MPRIP: variants seen among roughly 807,000 people sequenced by gnomAD.
The protein encoded by MPRIP is myosin phosphatase Rho-interacting protein.
Under a neutral mutation model 234.9 loss-of-function variants are expected in MPRIP, and 59 were observed. That is an observed-to-expected ratio of 0.25 (90% CI 0.20 to 0.31). The LOEUF (loss-of-function observed/expected upper bound fraction) is 0.31, where lower values mean the gene tolerates loss of function less well. Among genes scored for constraint, MPRIP ranks in the 10% least tolerant of loss-of-function variants. The pLI, the probability that MPRIP is intolerant of heterozygous loss-of-function variation, is 1.00. For synonymous variants in MPRIP, 1,144 were observed against 1,263.9 expected (o/e 0.91, Z 2.01); for missense variants, 2,436 against 3,071.0 (o/e 0.79, Z 4.89).
intron 1 of MPRIP, among the ~76,000 whole-genome samples, chr17:17,056,355 A>G (rs2088696439): frequency 6.6e-6 from 1 of 152,206 alleles, no homozygotes; most frequent in Non-Finnish European, 1.5e-5. Flanking sequence ...TCATGTTCCA[A>G]AAATCCTGTG....
intron 3 of MPRIP, among the ~76,000 whole-genome samples, chr17:17,098,639 C>T (rs1034766158): frequency 1.3e-5 from 2 of 152,180 alleles, no homozygotes; most frequent in Non-Finnish European, 2.9e-5. Context: ...CCCCTTTCTC[C>T]CCTCTGCATA....
chr17:17,188,499 G>A lies in MPRIP; in HGVS notation c.*3605G>A, dbSNP rs1379354559. The A allele has an allele frequency of 6.6e-6, 1 of 152,268 alleles. No homozygotes were observed. Among genetic ancestry groups the A allele is most frequent in the Non-Finnish European group, 1.5e-5 (1 of 68,056 alleles). The allele number at this position is 152,268 out of a possible 1,614,324, so 9.4% of individuals were successfully genotyped here. A position where few individuals can be genotyped will look rare whatever the true frequency, so the allele number is the denominator to read the frequency against. On this transcript the variant is annotated 3_prime_UTR_variant, in exon 24 of 24. Transcript: ENST00000651222. Reference sequence around the variant, plus strand: ...GCTCCCATCACCCCTTGACCCTCCAGCTCATGCTGGAGAAGAGGGAATTTT... The same window carrying A: ...GCTCCCATCACCCCTTGACCCTCCAACTCATGCTGGAGAAGAGGGAATTTT...
intron 9 of MPRIP, among the ~76,000 whole-genome samples, chr17:17,144,890 CAG>C (rs766013485): frequency 9.2e-5 from 14 of 152,222 alleles, no homozygotes; most frequent in Admixed American, 1.3e-4. Context: ...AGCAGGCTGT[CAG>C]AGAGGGGGCA....
intron 7 of MPRIP, among the ~76,000 whole-genome samples, chr17:17,140,960 C>G (rs966489385): frequency 4.3e-4 from 66 of 152,290 alleles, no homozygotes; most frequent in African/African-American, 1.6e-3. Context: ...TTCCAGGGCA[C>G]CAAGTAATAA....
chr17:17,166,217 T>A lies in MPRIP; in HGVS notation c.4626T>A (p.Asn1542Lys). Residue 1542 changes from asparagine to lysine, a missense_variant, in exon 16 of 24, where the codon AAT becomes AAA. Around this residue, in one of 4 missense-constraint regions of MPRIP, gnomAD observed 1,998 missense variants for 2,520.3 expected, o/e 0.79. Coordinates refer to ENST00000651222, the MANE Select transcript of MPRIP (RefSeq NM_001364716.4). The surrounding 1 kb of genome is among the most constrained non-coding windows in gnomAD (Gnocchi z 4.4). ...TGGAGACAGGTGGCACCGAGGAGAA[T>A]GGGAAGCCTGCCTCCCTGCAGCAGT... ...AQLETGGTEE[N>K]GKPASLQQCS... is the part of the protein sequence containing the mutation. 7.7e-7 allele frequency: 1 copy of A among 1,303,362 alleles called. No individual in the cohort carries two copies. Among genetic ancestry groups the A allele is most frequent in the Non-Finnish European group, 1.0e-6 (1 of 988,544 alleles). The allele number at this position is 1,303,362 out of a possible 1,614,324, so 80.7% of individuals were successfully genotyped here. A position where few individuals can be genotyped will look rare whatever the true frequency, so the allele number is the denominator to read the frequency against.
chr17:17,173,040 A>G (rs777104766), intron 18 of MPRIP, among the ~76,000 whole-genome samples: 16 of 152,240 alleles, frequency 1.1e-4, no homozygotes, highest in Non-Finnish European at 1.9e-4. Flanking sequence ...CAAGAACGAG[A>G]TGTAACAAAC....
intron 1 of MPRIP, chr17:17,058,067 G>A (rs559739764): frequency 5.2e-5 from 13 of 249,032 alleles, no homozygotes; most frequent in Admixed American, 5.0e-5. Context: ...GGTGGGAGCC[G>A]AGGCCCAGAT....
At chr17:17,102,867 A>G (rs545901696) in intron 3 of MPRIP, among the ~76,000 whole-genome samples, 2 of 152,288 alleles carry the variant, frequency 1.3e-5, no homozygotes, top group African/African-American at 4.8e-5. Flanking sequence ...AGCTCCATGT[A>G]ATTCTTCTTC....
At position 17,159,015 on chromosome 17, in the gene MPRIP, G is replaced by A. The variant is rs768853319; in HGVS notation, c.2400+13G>A. 9 of 1,601,994 alleles carry A rather than the reference G, an allele frequency of 5.6e-6. No homozygotes were observed. The Middle Eastern group carries it at 5.0e-4, about 89-fold the overall frequency. ...GCTCGAGAAGGAGGTAATAGCCTGG[G>A]ACCAGATCCCCACCCTGCTCCCAGC... On this transcript the variant is annotated intron_variant, in intron 14 of 23. Transcript: ENST00000651222.
intron 20 of MPRIP, among the ~76,000 whole-genome samples, chr17:17,175,730 C>T (rs1431430519): frequency 6.6e-6 from 1 of 152,236 alleles, no homozygotes; most frequent in African/African-American, 2.4e-5. Context: ...AGCCATGTGG[C>T]TGCTGCAGCT....
intron 16 of MPRIP, chr17:17,171,459 A>G (rs1418222159): frequency 5.0e-6 from 2 of 399,246 alleles, no homozygotes; most frequent in Non-Finnish European, 8.9e-6. Context: ...CCCAGGAAGA[A>G]ATGGGGCACA....
At chr17:17,094,162 T>A (rs932181921) in intron 3 of MPRIP, among the ~76,000 whole-genome samples, 3 of 152,194 alleles carry the variant, frequency 2.0e-5, no homozygotes, top group African/African-American at 7.2e-5. Context: ...TTTGGTTTAC[T>A]TCACTTGGTG....
chr17:17,047,260 C>T (rs942711214), intron 1 of MPRIP, among the ~76,000 whole-genome samples: 1 of 152,174 alleles, frequency 6.6e-6, no homozygotes, highest in Non-Finnish European at 1.5e-5. Context: ...GCCTGTGAGC[C>T]ATAGTTTGCT....
intron 3 of MPRIP, among the ~76,000 whole-genome samples, chr17:17,122,575 G>A (rs1359566272): frequency 1.3e-5 from 2 of 152,118 alleles, no homozygotes; most frequent in African/African-American, 2.4e-5. Flanking sequence ...GGATGATCTC[G>A]ATCTCCTGAC....
At chr17:17,171,690 T>C in intron 16 of MPRIP, 28 bp from the exon 17 acceptor site, 1 of 1,601,286 alleles carries the variant, frequency 6.2e-7, no homozygotes, top group Non-Finnish European at 8.5e-7. Context: ...AAGAAAGAAG[T>C]CGATGAAGTC....
At chr17:17,083,533 C>CT (rs2089514609) in intron 3 of MPRIP, among the ~76,000 whole-genome samples, 1 of 152,092 alleles carries the variant, frequency 6.6e-6, no homozygotes, top group Admixed American at 6.5e-5. Flanking sequence ...CTGTGAGAGC[C>CT]TAGGAGGAGG....
chr17:17,116,324 G>T (rs985554129), intron 3 of MPRIP, among the ~76,000 whole-genome samples: 2 of 152,200 alleles, frequency 1.3e-5, no homozygotes, highest in African/African-American at 4.8e-5. Context: ...GGCCTCTCCG[G>T]CAGGACAGTG....
chr17:17,176,397 A>AT, intron 20 of MPRIP, 29 bp from the exon 21 acceptor site: 1 of 1,567,640 alleles, frequency 6.4e-7, no homozygotes, highest in Non-Finnish European at 8.8e-7. Context: ...GCTCCTGAAT[A>AT]TTGGTCCCTG....
chr17:17,074,791 C>T (rs763123677), intron 1 of MPRIP, among the ~76,000 whole-genome samples: 15 of 152,074 alleles, frequency 9.9e-5, no homozygotes, highest in African/African-American at 2.2e-4. Flanking sequence ...CGGGGTTCCT[C>T]GGTGTTGTGG....
Sources: allele counts gnomAD v4.1 joint callset (sites outside exome capture counted in the v4.1 genomes callset), GRCh38; gene constraint gnomAD v4.1.1; regional missense constraint gnomAD v4.1.1; non-coding constraint Gnocchi (gnomAD v3.1); transcripts MANE v1.5; gene names NCBI Gene and HGNC (gene_info 2026-07-23, HGNC 2026-07-21).